Variants in NCALD observed in about 807,000 individuals in gnomAD.
NCALD encodes the protein neurocalcin-delta.
A neutral mutation model predicts 18.6 loss-of-function variants in NCALD; 10 were observed. The observed-to-expected ratio is 0.54, with a 90% CI of 0.33 to 0.91. The LOEUF (loss-of-function observed/expected upper bound fraction) is 0.91, where lower values mean the gene tolerates loss of function less well. Among genes scored for constraint, NCALD ranks in the 40% least tolerant of loss-of-function variants. The pLI is 0.03. For synonymous variants in NCALD, 88 were observed against 87.4 expected (o/e 1.01, Z -0.04); for missense variants, 184 against 247.6 (o/e 0.74, Z 1.72).
chr8:102,097,689 C>T (rs1301270297), intron 1 of NCALD, among the ~76,000 whole-genome samples: 1 of 152,208 alleles, frequency 6.6e-6, no homozygotes, highest in East Asian at 1.9e-4. Context: ...TTATACAAGA[C>T]TCTTATCAAC....
chr8:101,716,804 G>A (rs1027018768), intron 2 of NCALD, among the ~76,000 whole-genome samples: 1 of 152,328 alleles, frequency 6.6e-6, no homozygotes, highest in East Asian at 1.9e-4. Flanking sequence ...GTAATCACAG[G>A]ATCTTTTTAA....
Position 101,878,934 on chromosome 8 carries a change from A to G in NCALD, c.-20+8207T>C, listed in dbSNP as rs1586679834. On this transcript the variant is annotated intron_variant, in intron 4 of 6. Coordinates refer to the NCALD transcript ENST00000311028. The stretch of plus-strand genomic sequence containing the variant: ...AAAAGCAGCCCTAGGTTCTGTCCTC[A>G]TGGAACTTAGAGTCTAAGACAGCAC... Among the ~76,000 whole-genome samples the G allele has an allele frequency of 3.9e-5, 6 of 152,336 alleles. No homozygotes were observed. The South Asian group carries it at 1.0e-3, about 26-fold the overall frequency.
intron 2 of NCALD, among the ~76,000 whole-genome samples, chr8:101,701,428 G>T (rs1156825287): frequency 6.6e-6 from 1 of 152,184 alleles, no homozygotes; most frequent in Non-Finnish European, 1.5e-5. Flanking sequence ...TCTTGTCTCT[G>T]GGTAAATGCA....
intron 3 of NCALD, among the ~76,000 whole-genome samples, chr8:101,900,586 T>G (rs2131561692): frequency 6.6e-6 from 1 of 152,112 alleles, no homozygotes; most frequent in Non-Finnish European, 1.5e-5. Flanking sequence ...ATTTTTTTAT[T>G]TCTTTGAAAC....
At chr8:101,696,835 C>T (rs1815016121) in intron 2 of NCALD, among the ~76,000 whole-genome samples, 1 of 152,038 alleles carries the variant, frequency 6.6e-6, no homozygotes, top group African/African-American at 2.4e-5. Flanking sequence ...TAAATGCCCA[C>T]ATCAGAAAGC....
chr8:102,094,490 T>A (rs1471579547), intron 1 of NCALD, among the ~76,000 whole-genome samples: 1 of 152,192 alleles, frequency 6.6e-6, no homozygotes, highest in Non-Finnish European at 1.5e-5. Flanking sequence ...TGCCTCCACA[T>A]CCTGTACTAT....
At position 102,080,797 on chromosome 8, in the gene NCALD, T is replaced by A. The variant is rs549210675; in HGVS notation, c.-210+43440A>T. Among the ~76,000 whole-genome samples, 4 of 152,366 alleles carry A rather than the reference T, an allele frequency of 2.6e-5. No individual in the cohort carries two copies. The South Asian group carries it at 8.3e-4, about 32-fold the overall frequency. On this transcript the variant is annotated intron_variant, in intron 1 of 6. Transcript: ENST00000311028. ...TACCTAATCAATGGTTCTTGAATTATACAAGACCAGTGGGCTCTGAGGCTC... is the reference window on the plus strand; with the variant it reads ...TACCTAATCAATGGTTCTTGAATTAAACAAGACCAGTGGGCTCTGAGGCTC...
intron 1 of NCALD, among the ~76,000 whole-genome samples, chr8:101,785,079 G>C (rs1485571866): frequency 6.6e-6 from 1 of 152,168 alleles, no homozygotes; most frequent in Non-Finnish European, 1.5e-5. Context: ...CAAATGCCTA[G>C]AGCTCTATTG....
At chr8:101,969,082 C>T (rs1323172063) in intron 2 of NCALD, among the ~76,000 whole-genome samples, 1 of 152,202 alleles carries the variant, frequency 6.6e-6, no homozygotes, top group Non-Finnish European at 1.5e-5. Flanking sequence ...GCAGTCTCTG[C>T]AAGTGAGGAA....
intron 1 of NCALD, among the ~76,000 whole-genome samples, chr8:102,112,880 G>A (rs887919278): frequency 6.6e-6 from 1 of 152,132 alleles, no homozygotes; most frequent in Admixed American, 6.5e-5. Context: ...ATCTCTGCAC[G>A]TGCCAGCTCC....
intron 1 of NCALD, among the ~76,000 whole-genome samples, chr8:102,086,214 T>C (rs531067679): frequency 7.8e-4 from 119 of 152,346 alleles, no homozygotes; most frequent in Non-Finnish European, 1.0e-3. Context: ...TACAGCTCTT[T>C]TGTGCACATT....
At position 102,084,581 on chromosome 8, in the gene NCALD, C is replaced by T. The variant is rs776337907; in HGVS notation, c.-210+39656G>A. Among the ~76,000 whole-genome samples the T allele has an allele frequency of 3.0e-4, 45 of 152,206 alleles. 1 individual carries two copies. The highest frequency in any genetic ancestry group is 2.8e-3 in the Admixed American group (43 of 15,284). ...CTTGATGGGGTGTTGTCTGCCTGCT[C>T]AGTGGCCTGCCAGCACTTGGGAGGG... On this transcript the variant is annotated intron_variant, in intron 1 of 6. Transcript: ENST00000311028.
chr8:101,981,810 C>T (rs1299050874), intron 2 of NCALD, among the ~76,000 whole-genome samples: 4 of 152,250 alleles, frequency 2.6e-5, no homozygotes, highest in African/African-American at 9.6e-5. Flanking sequence ...AAGGGTAGTT[C>T]ACGTCCTTAT....
chr8:101,987,104 T>C (rs1820842302), intron 2 of NCALD, among the ~76,000 whole-genome samples: 2 of 152,156 alleles, frequency 1.3e-5, no homozygotes, highest in African/African-American at 4.8e-5. Context: ...ATGAAGACAG[T>C]AAAACTCAGA....
At chr8:101,937,944 A>G (rs1818822595) in intron 2 of NCALD, among the ~76,000 whole-genome samples, 1 of 152,216 alleles carries the variant, frequency 6.6e-6, no homozygotes, top group Non-Finnish European at 1.5e-5. Context: ...CAAGTCACGT[A>G]CTAGCCCCAA....
chr8:101,968,511 G>A (rs1820118140), intron 2 of NCALD, among the ~76,000 whole-genome samples: 1 of 152,106 alleles, frequency 6.6e-6, no homozygotes. Context: ...TTGACACCAA[G>A]GTACTGCCTA....
At chr8:101,775,749 C>G (rs1681370767) in intron 1 of NCALD, among the ~76,000 whole-genome samples, 1 of 152,134 alleles carries the variant, frequency 6.6e-6, no homozygotes, top group South Asian at 2.1e-4. Context: ...TTCATGCAGC[C>G]ATTTCTCTCC....
chr8:102,035,829 C>T (rs1412008570), intron 1 of NCALD, among the ~76,000 whole-genome samples: 1 of 152,146 alleles, frequency 6.6e-6, no homozygotes, highest in East Asian at 1.9e-4. Context: ...AGGACATAGT[C>T]ATGTTCTTGC....
At chr8:101,859,399 T>A (rs937536004) in intron 4 of NCALD, among the ~76,000 whole-genome samples, 1 of 152,184 alleles carries the variant, frequency 6.6e-6, no homozygotes, top group African/African-American at 2.4e-5. Flanking sequence ...GGGACTTCAC[T>A]TTGTGATCAT....
Sources: allele counts gnomAD v4.1 joint callset (sites outside exome capture counted in the v4.1 genomes callset), GRCh38; gene constraint gnomAD v4.1.1; transcripts MANE v1.5; gene names NCBI Gene and HGNC (gene_info 2026-07-23, HGNC 2026-07-21).